The following GRIK3 variants were observed in gnomAD, a reference collection of about 807,000 sequenced individuals.
GRIK3 encodes glutamate ionotropic receptor kainate type subunit 3, also known as glutamate receptor ionotropic, kainate 3.
Under a neutral mutation model 102.5 loss-of-function variants are expected in GRIK3, and 29 were observed. The ratio of observed to expected loss-of-function variants is 0.28; its 90% CI spans 0.21 to 0.39. The LOEUF is 0.39. GRIK3 is among the 10% of genes least tolerant of loss of function. The pLI is 1.00. For synonymous variants in GRIK3, 511 were observed against 504.9 expected (o/e 1.01, Z -0.16); for missense variants, 908 against 1,252.4 (o/e 0.73, Z 4.15).
At chr1:36,955,223 C>G (rs909515890) in intron 1 of GRIK3, among the ~76,000 whole-genome samples, 1 of 152,208 alleles carries the variant, frequency 6.6e-6, no homozygotes, top group Non-Finnish European at 1.5e-5. Context: ...GACAGCCCAC[C>G]TGGCTAAGGG....
At chr1:36,860,260 T>C (rs922734955) in intron 5 of GRIK3, among the ~76,000 whole-genome samples, 1 of 152,202 alleles carries the variant, frequency 6.6e-6, no homozygotes, top group African/African-American at 2.4e-5. Context: ...GATCTCAGCC[T>C]GTTTCTTCAT....
At chr1:36,975,352 T>C (rs1045592904) in intron 1 of GRIK3, among the ~76,000 whole-genome samples, 19 of 146,204 alleles carry the variant, frequency 1.3e-4, no homozygotes, top group African/African-American at 4.9e-4. Flanking sequence ...GTTAGTGCAG[T>C]GGCACGATCT....
rs1419920664 is a variant in GRIK3, at chr1:36,841,865, G to A, written c.1401C>T (p.Ile467=). 4 of 1,614,180 alleles carry A rather than the reference G, an allele frequency of 2.5e-6. No individual in the cohort carries two copies. The highest frequency in any genetic ancestry group is 4.5e-5 in the East Asian group (2 of 44,876). ...TGTGGGCCAGCTCCTTTAGCAGGTC[G>A]ATGCAGTAGCCCTCGAACCGGTCAT... ...YGNDRFEGYC[I]DLLKELAHIL... The change falls in exon 10 of 16, where the codon ATC becomes ATT. Residue 467 remains isoleucine, a synonymous_variant. Coordinates refer to ENST00000373091, the MANE Select transcript of GRIK3 (RefSeq NM_000831.4).
chr1:36,929,381 A>G (rs1242350890), intron 1 of GRIK3, among the ~76,000 whole-genome samples: 1 of 152,164 alleles, frequency 6.6e-6, no homozygotes, highest in East Asian at 1.9e-4. Context: ...TATATTTTAG[A>G]TATATTTTCA....
At chr1:36,916,548 G>A (rs573424090) in intron 1 of GRIK3, among the ~76,000 whole-genome samples, 81 of 152,144 alleles carry the variant, frequency 5.3e-4, no homozygotes, top group Non-Finnish European at 1.1e-3. Context: ...CGGGCTCAGG[G>A]TTCCAGTGCT....
At chr1:36,858,692 C>T (rs942957682) in intron 7 of GRIK3, among the ~76,000 whole-genome samples, 5 of 152,164 alleles carry the variant, frequency 3.3e-5, no homozygotes, top group East Asian at 3.9e-4. Context: ...GCACTTTCCA[C>T]GCAATGTCTA....
intron 7 of GRIK3, among the ~76,000 whole-genome samples, chr1:36,856,061 G>A (rs987546103): frequency 2.6e-5 from 4 of 152,240 alleles, no homozygotes; most frequent in Non-Finnish European, 5.9e-5. Context: ...GCTGGGGACC[G>A]AGGGGTCGGG....
intron 1 of GRIK3, among the ~76,000 whole-genome samples, chr1:36,969,558 CTAA>C (rs1214324638): frequency 1.3e-5 from 2 of 152,164 alleles, no homozygotes; most frequent in African/African-American, 4.8e-5. Flanking sequence ...AATGAAAATC[CTAA>C]TGATGGAATA....
At chr1:36,864,341 C>T (rs1486681647) in intron 5 of GRIK3, among the ~76,000 whole-genome samples, 4 of 152,196 alleles carry the variant, frequency 2.6e-5, no homozygotes, top group African/African-American at 7.2e-5. Flanking sequence ...CCAGGGCTGA[C>T]CTGCTGCGAC....
intron 1 of GRIK3, among the ~76,000 whole-genome samples, chr1:36,911,367 CAG>C (rs929450092): frequency 2.6e-4 from 39 of 152,170 alleles, no homozygotes; most frequent in Admixed American, 1.3e-3. Flanking sequence ...TCATCTGAAA[CAG>C]AGATATTAAT....
rs561216398 is a variant in GRIK3, at chr1:37,033,851, C to A, written c.115+143G>T. On this transcript the variant is annotated intron_variant, in intron 1 of 15. Coordinates refer to ENST00000373091, the MANE Select transcript of GRIK3 (RefSeq NM_000831.4). ...CCCCGACTCTGGAACTTTGTCCTCACAGGGAGGAGCTCCTGGTGGTCACCG... is the reference window on the plus strand; with the variant it reads ...CCCCGACTCTGGAACTTTGTCCTCAAAGGGAGGAGCTCCTGGTGGTCACCG... 5.2e-5 allele frequency: 27 copies of A among 517,666 alleles called. No individual in the cohort carries two copies. In the South Asian group the frequency reaches 5.8e-4, roughly 11 times the overall value. 32.1% of individuals were successfully genotyped at this position (517,666 alleles called of 1,614,324 possible).
chr1:37,030,556 C>CA (rs1401486182), intron 1 of GRIK3, among the ~76,000 whole-genome samples: 4 of 140,670 alleles, frequency 2.8e-5, no homozygotes, highest in African/African-American at 1.1e-4. Flanking sequence ...CCTCCCCCCC[C>CA]CCAACACCTG....
chr1:36,799,475 ACACATGCCTGTACACAT>A lies in GRIK3; in HGVS notation c.*2359_*2375del, dbSNP rs1453386758. 1 of 152,346 alleles carries A rather than the reference ACACATGCCTGTACACAT, an allele frequency of 6.6e-6. No homozygotes were observed. The highest frequency in any genetic ancestry group is 1.5e-5 in the Non-Finnish European group (1 of 68,144). 9.4% of individuals were successfully genotyped at this position (152,346 alleles called of 1,614,324 possible). On this transcript the variant is annotated 3_prime_UTR_variant, in exon 16 of 16. Transcript: ENST00000373091. ...GCCTTCCCCCCGCTCCCCACTGTGC[ACACATGCCTGTACACAT>A]GTGTTCACATGCACTCAGACATGGA...
intron 1 of GRIK3, among the ~76,000 whole-genome samples, chr1:36,981,633 C>T (rs532842091): frequency 7.4e-4 from 112 of 150,890 alleles, no homozygotes; most frequent in African/African-American, 2.7e-3. Context: ...TTGCAGTCTG[C>T]TCCACTTCAC....
Position 36,872,953 on chromosome 1 carries a change from C to A in GRIK3, c.551-584G>T, listed in dbSNP as rs773403988. ...GGGTAAGGCCAGGAGGTATTTGTGT[C>A]TCCGCCCTCGTCCTCACTAAGGGCA... On this transcript the variant is annotated intron_variant, in intron 3 of 15. Transcript: ENST00000373091. The surrounding 1 kb of genome is among the most constrained non-coding windows in gnomAD (Gnocchi z 5.9). Among the ~76,000 whole-genome samples the A allele has an allele frequency of 1.1e-4, 16 of 152,260 alleles. No homozygotes were observed. Among genetic ancestry groups the A allele is most frequent in the Non-Finnish European group, 2.1e-4 (14 of 68,044 alleles).
Position 36,801,728 on chromosome 1 carries a change from G to A in GRIK3, c.*123C>T. 1 of 777,414 alleles carries A rather than the reference G, an allele frequency of 1.3e-6. No homozygotes were observed. The highest frequency in any genetic ancestry group is 1.8e-5 in the African/African-American group (1 of 56,940). 48.2% of individuals were successfully genotyped at this position (777,414 alleles called of 1,614,324 possible). On this transcript the variant is annotated 3_prime_UTR_variant, in exon 16 of 16. Transcript: ENST00000373091. ...GGCAGGTAAGGGCAGGAGGCTCCTGGCCCAACAGGCAGGTGGCAGCTCTGG... is the reference window on the plus strand; with the variant it reads ...GGCAGGTAAGGGCAGGAGGCTCCTGACCCAACAGGCAGGTGGCAGCTCTGG...
chr1:36,954,575 G>A (rs61770576), intron 1 of GRIK3, among the ~76,000 whole-genome samples: 12 of 152,210 alleles, frequency 7.9e-5, no homozygotes, highest in African/African-American at 2.9e-4. Flanking sequence ...GGGGACGGGG[G>A]CTGAGGCCAG....
chr1:36,842,115 TG>T, intron 9 of GRIK3, among the ~76,000 whole-genome samples, 176 bp from the exon 10 acceptor site: 2 of 152,240 alleles, frequency 1.3e-5, no homozygotes, highest in Middle Eastern at 3.4e-3. Context: ...GAGAGCCAGC[TG>T]GGGGCCTCAT....
chr1:36,927,274 A>T (rs774802213), intron 1 of GRIK3, among the ~76,000 whole-genome samples: 43 of 152,212 alleles, frequency 2.8e-4, no homozygotes, highest in Non-Finnish European at 4.4e-4. Flanking sequence ...ATGCAACCTA[A>T]TTCTTCTCGT....
Sources: gnomAD v4.1 joint callset for allele counts (sites outside exome capture counted in the v4.1 genomes callset) on GRCh38, gnomAD v4.1.1 for gene constraint, Gnocchi (gnomAD v3.1) non-coding constraint, MANE v1.5 for transcripts, NCBI Gene and HGNC (gene_info 2026-07-23, HGNC 2026-07-21) for gene names.